Variants in GTF2H3 observed in about 807,000 individuals in gnomAD.
GTF2H3 encodes general transcription factor IIH subunit 3.
GTF2H3 carries 42 observed loss-of-function variants against 51.1 expected under a neutral mutation model. The ratio of observed to expected loss-of-function variants is 0.82; its 90% CI spans 0.64 to 1.06. The LOEUF is 1.06. Ranked by LOEUF, GTF2H3 falls within the 50% of genes least tolerant of loss-of-function variation. The probability of loss-of-function intolerance (pLI) is 0.00; values close to 1 mark genes in which losing one functional copy is unlikely to be tolerated. For synonymous variants in GTF2H3, 123 were observed against 123.8 expected, an observed-to-expected ratio of 0.99 and a Z score of 0.04; for missense variants, 326 against 366.1, an observed-to-expected ratio of 0.89 and a Z score of 0.89.
intron 5 of GTF2H3, among the ~76,000 whole-genome samples, chr12:123,651,714 G>A (rs1180937344): frequency 6.6e-6 from 1 of 151,980 alleles, no homozygotes. Flanking sequence ...CAGCTACTAG[G>A]GAGGCTGAGG....
At chr12:123,649,306 T>G (rs1454280394) in intron 4 of GTF2H3, 1 of 152,312 alleles carries the variant, frequency 6.6e-6, no homozygotes, top group Non-Finnish European at 1.5e-5. Flanking sequence ...CTCAGCATTA[T>G]TGACATTTTG....
chr12:123,636,636 G>A lies in GTF2H3; in HGVS notation c.14-2628G>A, dbSNP rs1170898989. On this transcript the variant is annotated intron_variant, in intron 1 of 12. Transcript: ENST00000543341. ...ACAAAAATTTAAAAATTAGCCAAGT[G>A]GCTGGGTGTGGTGGCTCATGCCTGT... Among the ~76,000 whole-genome samples the A allele has an allele frequency of 1.1e-4, 16 of 152,198 alleles. 1 individual carries two copies. The South Asian group carries it at 2.9e-3, about 28-fold the overall frequency.
chr12:123,640,476 A>G (rs1955354489), intron 2 of GTF2H3, among the ~76,000 whole-genome samples: 1 of 151,022 alleles, frequency 6.6e-6, no homozygotes, highest in African/African-American at 2.4e-5. Context: ...AGCTGGGATT[A>G]CAGGCATCCG....
intron 8 of GTF2H3, 104 bp from the exon 9 acceptor site, chr12:123,655,667 G>T: frequency 1.4e-6 from 1 of 709,004 alleles, no homozygotes. Context: ...GTTGCATATT[G>T]AGTGAGCTAT....
At chr12:123,634,052 C>G (rs1395999554) in intron 1 of GTF2H3, among the ~76,000 whole-genome samples, 180 bp downstream of exon 1, 1 of 152,184 alleles carries the variant, frequency 6.6e-6, no homozygotes, top group African/African-American at 2.4e-5. Flanking sequence ...TGTGTACAGG[C>G]ATTATTTTCT....
intron 4 of GTF2H3, 138 bp from the exon 5 acceptor site, chr12:123,650,856 G>C (rs1020569713): frequency 2.5e-5 from 15 of 607,704 alleles, no homozygotes; most frequent in Non-Finnish European, 4.5e-5. Flanking sequence ...TTTAAACCTA[G>C]TTTGAAAATG....
At chr12:123,656,083 C>T (rs1955583267) in intron 9 of GTF2H3, 3 of 339,948 alleles carry the variant, frequency 8.8e-6, no homozygotes, top group Non-Finnish European at 1.6e-5. Flanking sequence ...GGAAACAAAA[C>T]CCTAAAGTAA....
intron 7 of GTF2H3, 127 bp from the exon 8 acceptor site, chr12:123,654,797 A>C: frequency 1.4e-6 from 1 of 701,280 alleles, no homozygotes; most frequent in Non-Finnish European, 2.6e-6. Context: ...TTTAGGTATC[A>C]TTTAACAATG....
rs561980384 is a variant in GTF2H3 at position 123,642,855 on chromosome 12, C to T, written c.94-2600C>T. Among the ~76,000 whole-genome samples, 686 of 152,232 alleles carry T rather than the reference C, an allele frequency of 4.5e-3. 3 individuals are homozygous for T. The highest frequency in any genetic ancestry group is 0.015 in the African/African-American group (636 of 41,544). On this transcript the variant is annotated intron_variant, in intron 2 of 12. Coordinates refer to ENST00000543341, the MANE Select transcript of GTF2H3 (RefSeq NM_001516.5). ...ACAATATTCATGTTAGAACTACACT[C>T]ATTTTTCAGCTGAAACCATACTCTT...
At chr12:123,643,735 G>A (rs571799244) in intron 2 of GTF2H3, among the ~76,000 whole-genome samples, 2 of 152,180 alleles carry the variant, frequency 1.3e-5, no homozygotes, top group South Asian at 4.1e-4. Context: ...TTTCCAGTTT[G>A]TAACTTGTTT....
chr12:123,658,197 C>G (rs561629083), intron 9 of GTF2H3, among the ~76,000 whole-genome samples: 1 of 152,032 alleles, frequency 6.6e-6, no homozygotes, highest in African/African-American at 2.4e-5. Flanking sequence ...TCTGGGACCA[C>G]TGGCATGCAC....
chr12:123,641,050 G>A (rs954109582), intron 2 of GTF2H3, among the ~76,000 whole-genome samples: 2 of 152,088 alleles, frequency 1.3e-5, no homozygotes, highest in Non-Finnish European at 2.9e-5. Flanking sequence ...TACTTGAGGC[G>A]CTGAGGTGGG....
intron 2 of GTF2H3, 69 bp downstream of exon 2, chr12:123,639,412 A>T (rs1190850411): frequency 5.2e-6 from 4 of 765,010 alleles, no homozygotes; most frequent in Non-Finnish European, 9.1e-6. Context: ...TTTTTTAAAA[A>T]ATGGCTTTAT....
At chr12:123,645,934 G>A (rs1331924254) in intron 3 of GTF2H3, among the ~76,000 whole-genome samples, 2 of 152,182 alleles carry the variant, frequency 1.3e-5, no homozygotes, top group Admixed American at 1.3e-4. Flanking sequence ...TTAGCTCTGC[G>A]TAGTTCTCAT....
chr12:123,647,831 T>C, intron 3 of GTF2H3, 132 bp from the exon 4 acceptor site: 1 of 523,658 alleles, frequency 1.9e-6, no homozygotes, highest in Non-Finnish European at 3.3e-6. Flanking sequence ...AAAAATGAAA[T>C]TTACCGTGGA....
At chr12:123,634,307 T>G (rs1455891360) in intron 1 of GTF2H3, among the ~76,000 whole-genome samples, 3 of 152,014 alleles carry the variant, frequency 2.0e-5, no homozygotes, top group African/African-American at 4.8e-5. Flanking sequence ...CCGGGCGTGG[T>G]AGCGCGTGTC....
chr12:123,639,807 T>G (rs1384541347), intron 2 of GTF2H3: 1 of 331,352 alleles, frequency 3.0e-6, no homozygotes, highest in South Asian at 2.4e-5. Flanking sequence ...TTTTACATAA[T>G]GATAGTACAA....
intron 4 of GTF2H3, 89 bp from the exon 5 acceptor site, chr12:123,650,905 A>C (rs1372522334): frequency 2.5e-6 from 2 of 785,936 alleles, no homozygotes; most frequent in Non-Finnish European, 4.4e-6. Context: ...CTTTGGTGTG[A>C]AAGCATACTT....
chr12:123,635,377 C>T (rs1467479312), intron 1 of GTF2H3, among the ~76,000 whole-genome samples: 2 of 152,022 alleles, frequency 1.3e-5, no homozygotes, highest in Non-Finnish European at 2.9e-5. Context: ...TCGAGACCAG[C>T]CTGGCCAACA....
Sources: gnomAD v4.1 joint callset for allele counts (sites outside exome capture counted in the v4.1 genomes callset) on GRCh38, gnomAD v4.1.1 for gene constraint, MANE v1.5 for transcripts, NCBI Gene and HGNC (gene_info 2026-07-23, HGNC 2026-07-21) for gene names.